The following FNTB variants were observed in gnomAD, a reference collection of about 807,000 sequenced individuals.
The protein encoded by FNTB is farnesyltransferase, CAAX box, subunit beta.
In FNTB, 27 loss-of-function variants were observed where a neutral mutation model predicts 59.4. The observed-to-expected ratio is 0.45, with a 90% CI of 0.34 to 0.63. The LOEUF is 0.63. Ranked by LOEUF, FNTB falls within the 20% of genes least tolerant of loss-of-function variation. The pLI is 0.02. For synonymous variants in FNTB, 230 were observed against 220.7 expected, an observed-to-expected ratio of 1.04 and a Z score of -0.37; for missense variants, 449 against 559.6, an observed-to-expected ratio of 0.80 and a Z score of 1.99.
rs1053437570 is a variant in FNTB, at chr14:64,990,365, C to G, written c.144+3268C>G. Among the ~76,000 whole-genome samples the G allele has an allele frequency of 6.6e-6, 1 of 152,058 alleles. No individual in the cohort carries two copies. The highest frequency in any genetic ancestry group is 1.5e-5 in the Non-Finnish European group (1 of 68,006). ...CATGGGAAGTATTGCTGGGGGTGAC[C>G]GAGAAGGAGAAGAATGAGACCACTG... is the stretch of plus-strand genomic sequence containing the variant. On this transcript the variant is annotated intron_variant, in intron 1 of 11. Coordinates refer to ENST00000246166, the MANE Select transcript of FNTB (RefSeq NM_002028.4). The surrounding 1 kb of genome is among the most constrained non-coding windows in gnomAD (Gnocchi z 5.2).
At chr14:65,006,330 T>TAA (rs762819957) in intron 2 of FNTB, 9 of 1,606,918 alleles carry the variant, frequency 5.6e-6, no homozygotes, top group Admixed American at 3.4e-5. Flanking sequence ...AGTATAGTCT[T>TAA]TCCCTTAACT....
In FNTB at chr14:65,030,463, C is replaced by T. The variant is rs566846483; in HGVS notation, c.606-2147C>T. 6.6e-6 allele frequency among the ~76,000 whole-genome samples: 1 copy of T among 152,218 alleles called. No homozygotes were observed. Among genetic ancestry groups the T allele is most frequent in the African/African-American group, 2.4e-5 (1 of 41,544 alleles). On this transcript the variant is annotated intron_variant, in intron 6 of 11. Transcript: ENST00000246166. The surrounding 1 kb of genome is among the most constrained non-coding windows in gnomAD (Gnocchi z 4.5). ...GAGTAAGATGGAAACCAGGGCCGAG[C>T]GGCAGTGGCTCATGTCTGTAATCTC...
rs781410094 is a variant in FNTB, at chr14:65,061,192, C to T, written c.1194C>T (p.His398=). The T allele has an allele frequency of 9.9e-6, 16 of 1,614,000 alleles. No homozygotes were observed. In the East Asian group the frequency reaches 3.6e-4, roughly 36 times the overall value. ...GVPENALQPT[H]PVYNIGPDKV... The stretch of plus-strand genomic sequence containing the variant: ...TCTTCTCTTTGCAGCAGCCCACTCA[C>T]CCAGTGTACAACATTGGACCAGACA... Residue 398 remains histidine, a synonymous_variant, in exon 12 of 12, where the codon CAC becomes CAT. Coordinates refer to ENST00000246166, the MANE Select transcript of FNTB (RefSeq NM_002028.4).
chr14:65,048,040 T>G (rs138613901), intron 9 of FNTB, among the ~76,000 whole-genome samples: 17 of 133,384 alleles, frequency 1.3e-4, no homozygotes, highest in Non-Finnish European at 2.4e-4. Context: ...GAGGCTGGAG[T>G]GCAGTGGTGC....
chr14:64,988,524 T>G (rs1330571889), intron 1 of FNTB, among the ~76,000 whole-genome samples: 2 of 137,936 alleles, frequency 1.4e-5, no homozygotes, highest in Non-Finnish European at 3.0e-5. Context: ...ACCCTCCGCC[T>G]CCCGGGTTCA....
In FNTB at chr14:64,991,959, T is replaced by C. The variant is rs867919956; in HGVS notation, c.144+4862T>C. On this transcript the variant is annotated intron_variant, in intron 1 of 11. Coordinates refer to ENST00000246166, the MANE Select transcript of FNTB (RefSeq NM_002028.4). The surrounding 1 kb of genome is among the most constrained non-coding windows in gnomAD (Gnocchi z 4.4). ...ATGTGCTGGCTTCAGGTTCGGGCAG[T>C]GGGCCACCACATATCCTAAGGAGGG... Among the ~76,000 whole-genome samples the C allele has an allele frequency of 9.2e-5, 14 of 152,270 alleles. No individual in the cohort carries two copies. Among genetic ancestry groups the C allele is most frequent in the South Asian group, 8.3e-4 (4 of 4,822 alleles).
intron 8 of FNTB, among the ~76,000 whole-genome samples, chr14:65,043,828 C>CA (rs749243788): frequency 0.041 from 2,612 of 64,134 alleles, 428 homozygotes; most frequent in Non-Finnish European, 0.046. Flanking sequence ...GACTCCGTCT[C>CA]AAAAAAAAAA....
rs2061686242 is a variant in FNTB, at chr14:65,011,704, A to G, written c.210-613A>G. On this transcript the variant is annotated intron_variant, in intron 2 of 11. Coordinates refer to ENST00000246166, the MANE Select transcript of FNTB (RefSeq NM_002028.4). This position sits in a 1 kb window ranked among gnomAD's most constrained non-coding sequence, Gnocchi z 4.0. Reference sequence around the variant, plus strand: ...CAGGTGGCCATGGGCGGCACATTCCATCTTAAAGCCAGTATTGCTGACTTG... The same window carrying G: ...CAGGTGGCCATGGGCGGCACATTCCGTCTTAAAGCCAGTATTGCTGACTTG... 6.6e-6 allele frequency among the ~76,000 whole-genome samples: 1 copy of G among 152,200 alleles called. No individual in the cohort carries two copies. Among genetic ancestry groups the G allele is most frequent in the Non-Finnish European group, 1.5e-5 (1 of 68,036 alleles).
At chr14:64,995,770 C>CGTAT (rs112303968) in intron 1 of FNTB, among the ~76,000 whole-genome samples, 49 of 150,024 alleles carry the variant, frequency 3.3e-4, no homozygotes, top group Non-Finnish European at 4.9e-4. Flanking sequence ...TGTATATGTA[C>CGTAT]GTATGTATGT....
chr14:65,000,026 T>C (rs1282602214), intron 1 of FNTB, among the ~76,000 whole-genome samples: 1 of 152,246 alleles, frequency 6.6e-6, no homozygotes, highest in Non-Finnish European at 1.5e-5. Context: ...GCAAGAAAGC[T>C]GAAGATGGGA....
At chr14:64,987,739 G>T (rs182372271) in intron 1 of FNTB, among the ~76,000 whole-genome samples, 10 of 152,328 alleles carry the variant, frequency 6.6e-5, no homozygotes, top group Non-Finnish European at 5.9e-5. Context: ...CTAATAGAAA[G>T]AATGGATTTT....
At chr14:65,022,043 T>C (rs2061897780) in intron 4 of FNTB, 1 of 455,936 alleles carries the variant, frequency 2.2e-6, no homozygotes, top group African/African-American at 2.0e-5. Context: ...CGTCTGACTC[T>C]GTGAGCAGCA....
rs1039929750 is a variant in FNTB at position 65,031,445 on chromosome 14, G to C, written c.606-1165G>C. On this transcript the variant is annotated intron_variant, in intron 6 of 11. Coordinates refer to ENST00000246166, the MANE Select transcript of FNTB (RefSeq NM_002028.4). This position sits in a 1 kb window ranked among gnomAD's most constrained non-coding sequence, Gnocchi z 4.6. Reference sequence around the variant, plus strand: ...TGGTTCTCCTGCCTCAGCCTCCCAAGTAGTTGGGACTACGGGCACACGCCA... The same window carrying C: ...TGGTTCTCCTGCCTCAGCCTCCCAACTAGTTGGGACTACGGGCACACGCCA... 6.6e-6 allele frequency among the ~76,000 whole-genome samples: 1 copy of C among 151,638 alleles called. No homozygotes were observed. Among genetic ancestry groups the C allele is most frequent in the Non-Finnish European group, 1.5e-5 (1 of 67,896 alleles).
rs545967213 is a variant in FNTB, at chr14:65,020,394, T to G, written c.374+4678T>G. Among the ~76,000 whole-genome samples, 7 of 152,318 alleles carry G rather than the reference T, an allele frequency of 4.6e-5. No homozygotes were observed. The East Asian group carries it at 1.4e-3, about 29-fold the overall frequency. On this transcript the variant is annotated intron_variant, in intron 4 of 11. Coordinates refer to ENST00000246166, the MANE Select transcript of FNTB (RefSeq NM_002028.4). ...TCCCAAAACACTGGGATTATAGGCG[T>G]GAGCCACCATGCCCAGTCCATAGGT... is the stretch of plus-strand genomic sequence containing the variant.
At chr14:64,987,680 A>AC (rs1253166767) in intron 1 of FNTB, 2 of 154,440 alleles carry the variant, frequency 1.3e-5, no homozygotes, top group Admixed American at 1.3e-4. Context: ...ACAGCTCCTG[A>AC]CCAGGAGCCT....
chr14:64,995,861 T>C (rs956311888), intron 1 of FNTB, among the ~76,000 whole-genome samples: 1 of 151,542 alleles, frequency 6.6e-6, no homozygotes, highest in Non-Finnish European at 1.5e-5. Flanking sequence ...CTGGGTGCAA[T>C]GGCTCATATC....
At position 65,057,389 on chromosome 14, in the gene FNTB, A is replaced by C. The variant is rs951799489; in HGVS notation, c.1182+2700A>C. On this transcript the variant is annotated intron_variant, in intron 11 of 11. Transcript: ENST00000246166. ...GGCTGCAGTGAGCTCTGTTTGCTCC[A>C]GTCTGGGAGATAGAGTGAGACCCTG... Among the ~76,000 whole-genome samples the C allele has an allele frequency of 1.2e-4, 18 of 152,312 alleles. No individual in the cohort carries two copies. The East Asian group carries it at 1.7e-3, about 15-fold the overall frequency.
intron 2 of FNTB, among the ~76,000 whole-genome samples, chr14:65,008,881 C>T (rs537024112): frequency 1.6e-4 from 24 of 152,178 alleles, no homozygotes; most frequent in Non-Finnish European, 2.5e-4. Flanking sequence ...ACAGTGGAAA[C>T]CTGACTTCCC....
rs769572355 is a variant in FNTB, at chr14:65,044,427, C to T, written c.939C>T (p.Arg313=). The T allele has an allele frequency of 1.2e-5, 20 of 1,611,314 alleles. No homozygotes were observed. The highest frequency in any genetic ancestry group is 3.3e-4 in the Middle Eastern group (2 of 6,074). ...CGGGGCTCCTGCCCCTGCTCCACCG[C>T]GCACTGCACGCCCAAGGTGAGCCTG... ...WQAGLLPLLH[R]ALHAQGDPAL... Residue 313 remains arginine (R), a synonymous_variant, in exon 9 of 12, where the codon CGC becomes CGT. Transcript: ENST00000246166. The surrounding 1 kb of genome is among the most constrained non-coding windows in gnomAD (Gnocchi z 5.5).
Sources: gnomAD v4.1 joint callset for allele counts (sites outside exome capture counted in the v4.1 genomes callset) on GRCh38, gnomAD v4.1.1 for gene constraint, Gnocchi (gnomAD v3.1) non-coding constraint, MANE v1.5 for transcripts, NCBI Gene and HGNC (gene_info 2026-07-23, HGNC 2026-07-21) for gene names.